The following EBF1 variants were observed in gnomAD, a reference collection of about 807,000 sequenced individuals.
EBF1 encodes EBF transcription factor 1, also known as transcription factor COE1.
Under a neutral mutation model 68.4 loss-of-function variants are expected in EBF1, and 10 were observed. The ratio of observed to expected loss-of-function variants is 0.15; its 90% CI spans 0.09 to 0.25. The LOEUF is 0.25. Among genes scored for constraint, EBF1 ranks in the 10% least tolerant of loss-of-function variants. The pLI is 1.00. For synonymous variants in EBF1, 298 were observed against 299.8 expected, an observed-to-expected ratio of 0.99 and a Z score of 0.06; for missense variants, 509 against 794.4, an observed-to-expected ratio of 0.64 and a Z score of 4.32.
intron 6 of EBF1, among the ~76,000 whole-genome samples, chr5:158,962,144 C>T (rs920096475): frequency 4.6e-5 from 7 of 152,218 alleles, no homozygotes; most frequent in East Asian, 1.9e-4. Flanking sequence ...GCTTGAGGGG[C>T]GGTATGCTTC....
At chr5:158,783,905 C>A (rs1182286448) in intron 9 of EBF1, among the ~76,000 whole-genome samples, 21 of 152,178 alleles carry the variant, frequency 1.4e-4, no homozygotes, top group Admixed American at 1.2e-3. Flanking sequence ...AGAGGACAAT[C>A]TTCTACATGC....
chr5:158,894,395 C>A (rs1025005), intron 6 of EBF1, among the ~76,000 whole-genome samples: 49,647 of 151,776 alleles, frequency 0.33, 8,727 homozygotes, highest in South Asian at 0.57. Context: ...AAATAGAAGG[C>A]AGATAAATAA....
At chr5:159,000,485 T>A (rs927012752) in intron 6 of EBF1, among the ~76,000 whole-genome samples, 2 of 152,206 alleles carry the variant, frequency 1.3e-5, no homozygotes, top group East Asian at 3.8e-4. Flanking sequence ...GCATTTTTAC[T>A]TGAAAATACA....
At chr5:158,966,499 G>A (rs899856927) in intron 6 of EBF1, among the ~76,000 whole-genome samples, 2 of 152,046 alleles carry the variant, frequency 1.3e-5, no homozygotes, top group Non-Finnish European at 2.9e-5. Context: ...GGCAATAGAT[G>A]GCAAAACCAC....
Position 158,936,420 on chromosome 5 carries a change from T to C in EBF1, c.555-96310A>G, listed in dbSNP as rs145945878. ...TAGAGACGTGGTTTCCTCCTTCCTA[T>C]GTAAAGGTAATAATAGTACCTAAAG... is the stretch of plus-strand genomic sequence containing the variant. On this transcript the variant is annotated intron_variant, in intron 6 of 15. Transcript: ENST00000313708. Among the ~76,000 whole-genome samples the C allele has an allele frequency of 2.6e-5, 4 of 152,300 alleles. No homozygotes were observed. In the East Asian group the frequency reaches 5.8e-4, roughly 22 times the overall value.
intron 9 of EBF1, among the ~76,000 whole-genome samples, chr5:158,779,014 G>C (rs1775878699): frequency 6.6e-6 from 1 of 151,992 alleles, no homozygotes; most frequent in Non-Finnish European, 1.5e-5. Flanking sequence ...TGGAAATCAG[G>C]AAATCGAGTT....
intron 15 of EBF1, among the ~76,000 whole-genome samples, chr5:158,704,621 C>CTTTTTTT (rs767917753): frequency 6.6e-6 from 1 of 151,298 alleles, no homozygotes; most frequent in African/African-American, 2.4e-5. Flanking sequence ...TGCCTTCATC[C>CTTTTTTT]TTTTTTTCTT....
chr5:158,958,390 A>G (rs564334280), intron 6 of EBF1, among the ~76,000 whole-genome samples: 2 of 152,236 alleles, frequency 1.3e-5, no homozygotes, highest in Non-Finnish European at 2.9e-5. Flanking sequence ...TGCTGATTGG[A>G]GTACCACACC....
chr5:158,936,413 C>T (rs1412680764), intron 6 of EBF1, among the ~76,000 whole-genome samples: 1 of 152,204 alleles, frequency 6.6e-6, no homozygotes, highest in Non-Finnish European at 1.5e-5. Context: ...TGGTTTCCTC[C>T]TTCCTATGTA....
intron 8 of EBF1, among the ~76,000 whole-genome samples, chr5:158,813,233 G>C (rs1480249193): frequency 6.6e-6 from 1 of 152,096 alleles, no homozygotes; most frequent in East Asian, 1.9e-4. Context: ...TTTTGAAGTT[G>C]GAGTTATTGT....
chr5:158,881,110 C>T (rs892443865), intron 6 of EBF1, among the ~76,000 whole-genome samples: 1 of 152,146 alleles, frequency 6.6e-6, no homozygotes, highest in Non-Finnish European at 1.5e-5. Context: ...AGGACAGAAG[C>T]AGAGGTTGGC....
intron 10 of EBF1, among the ~76,000 whole-genome samples, chr5:158,743,230 A>T (rs1344209934): frequency 6.6e-6 from 1 of 152,204 alleles, no homozygotes; most frequent in Non-Finnish European, 1.5e-5. Flanking sequence ...CAAATATCTG[A>T]GTTGGGTATG....
chr5:158,712,946 G>C (rs754188340), intron 13 of EBF1, 24 bp downstream of exon 13: 3 of 1,407,126 alleles, frequency 2.1e-6, no homozygotes, highest in African/African-American at 2.9e-5. Context: ...GGTTGGGGAG[G>C]GAAGAGAAAA....
chr5:159,077,912 G>A (rs960656890), intron 5 of EBF1, among the ~76,000 whole-genome samples: 1 of 151,666 alleles, frequency 6.6e-6, no homozygotes, highest in African/African-American at 2.4e-5. Context: ...CTAATTTTGT[G>A]TATTTTTTGT....
intron 8 of EBF1, among the ~76,000 whole-genome samples, chr5:158,818,672 T>C (rs992255594): frequency 2.6e-5 from 4 of 152,226 alleles, no homozygotes; most frequent in African/African-American, 7.2e-5. Flanking sequence ...TTATGTTTTA[T>C]GTTGCAGTCT....
chr5:158,783,344 G>A (rs77738746), intron 9 of EBF1, among the ~76,000 whole-genome samples: 8 of 152,294 alleles, frequency 5.3e-5, no homozygotes, highest in East Asian at 1.9e-4. Flanking sequence ...AATTAGATGC[G>A]TATTTGCACA....
intron 6 of EBF1, among the ~76,000 whole-genome samples, chr5:158,858,001 T>A (rs1005840105): frequency 1.1e-4 from 17 of 152,176 alleles, no homozygotes; most frequent in African/African-American, 4.1e-4. Context: ...CAGAAATGTG[T>A]TAAAACTTTT....
rs1461022713 is a variant in EBF1, at chr5:158,773,588, G to C, written c.1036+3825C>G. On this transcript the variant is annotated intron_variant, in intron 10 of 15. Transcript: ENST00000313708. ...CCCTAGGCTGCTCAAACCTTGTCCTGGTGTCCCATTCTTTCAGTCATATAT... is the reference window on the plus strand; with the variant it reads ...CCCTAGGCTGCTCAAACCTTGTCCTCGTGTCCCATTCTTTCAGTCATATAT... Among the ~76,000 whole-genome samples, 9 of 151,986 alleles carry C rather than the reference G, an allele frequency of 5.9e-5. No individual in the cohort carries two copies. In the East Asian group the frequency reaches 9.7e-4, roughly 16 times the overall value.
chr5:158,842,893 TCAGA>T (rs1790610356), intron 6 of EBF1, among the ~76,000 whole-genome samples: 1 of 152,162 alleles, frequency 6.6e-6, no homozygotes, highest in Non-Finnish European at 1.5e-5. Context: ...GAACTCAAAT[TCAGA>T]CAGTGTAGCT....
Sources: gnomAD v4.1 joint callset for allele counts (sites outside exome capture counted in the v4.1 genomes callset) on GRCh38, gnomAD v4.1.1 for gene constraint, MANE v1.5 for transcripts, NCBI Gene and HGNC (gene_info 2026-07-23, HGNC 2026-07-21) for gene names.